Variants in RANBP2 observed in about 807,000 individuals in gnomAD.
RANBP2 encodes RAN binding protein 2, also known as E3 SUMO-protein ligase RanBP2.
In RANBP2, 57 loss-of-function variants were observed where a neutral mutation model predicts 303.6. That is an observed-to-expected ratio of 0.19 (90% confidence interval 0.15 to 0.23). The LOEUF is 0.23. Ranked by LOEUF, RANBP2 falls within the 10% of genes least tolerant of loss-of-function variation. The pLI, the probability that RANBP2 is intolerant of heterozygous loss-of-function variation, is 1.00. For synonymous variants in RANBP2, 1,167 were observed against 1,301.5 expected, an observed-to-expected ratio of 0.90 and a Z score of 2.23; for missense variants, 3,138 against 3,780.8, an observed-to-expected ratio of 0.83 and a Z score of 4.46.
At chr2:109,046,330 A>C in the RANBP2 span, among the ~76,000 whole-genome samples, 1 of 149,588 alleles carries the variant, frequency 6.7e-6, no homozygotes, top group African/African-American at 2.4e-5. Context: ...AAAAAATCTG[A>C]AAGGATTTTG....
the RANBP2 span, among the ~76,000 whole-genome samples, chr2:109,689,407 T>G: frequency 3.9e-5 from 6 of 152,008 alleles, no homozygotes; most frequent in Non-Finnish European, 7.4e-5. Context: ...CTTTGCAGCC[T>G]GAATTCTAAC....
the RANBP2 span, among the ~76,000 whole-genome samples, chr2:109,464,636 A>G: frequency 4.6e-5 from 7 of 152,220 alleles, no homozygotes; most frequent in African/African-American, 1.7e-4. Flanking sequence ...TCATCCTTCC[A>G]AGACTTTTTT....
chr2:108,990,514 C>T, the RANBP2 span, among the ~76,000 whole-genome samples: 4 of 150,672 alleles, frequency 2.7e-5, no homozygotes, highest in African/African-American at 7.3e-5. Flanking sequence ...GAGAATTGTT[C>T]GAACCCAGGA....
At chr2:109,538,101 C>A in the RANBP2 span, among the ~76,000 whole-genome samples, 1 of 152,296 alleles carries the variant, frequency 6.6e-6, no homozygotes, top group Admixed American at 6.5e-5. Context: ...GGTGGACATC[C>A]TTTTCTTTGG....
chr2:109,021,244 T>C, the RANBP2 span, among the ~76,000 whole-genome samples: 4 of 152,042 alleles, frequency 2.6e-5, no homozygotes, highest in South Asian at 2.1e-4. Context: ...GGCAAAGCCA[T>C]CGGGCGCGGT....
At chr2:109,489,847 C>T in the RANBP2 span, among the ~76,000 whole-genome samples, 1 of 152,192 alleles carries the variant, frequency 6.6e-6, no homozygotes, top group Non-Finnish European at 1.5e-5. Flanking sequence ...AAGCTATTCT[C>T]CCACCTCAGG....
In RANBP2 at chr2:108,740,545, C is replaced by T. The variant is rs1186643461; in HGVS notation, c.839C>T (p.Ala280Val). Residue 280 changes from alanine to valine, a missense_variant, in exon 7 of 29, where the codon GCT becomes GTT. Ala to Val is a moderately conservative substitution (Grantham distance 64). This residue lies in a region of RANBP2 where 306 missense variants were observed against 381.9 expected (regional missense o/e 0.80). Transcript: ENST00000283195. ...KSLGGNDELS[A>V]TFLEMKGHFY... ...TTGGGTGGAAATGATGAACTGTCAG[C>T]TACTTTCTTAGAAATGAAAGGACAT... is the stretch of plus-strand genomic sequence containing the variant. 1 of 1,597,400 alleles carries T rather than the reference C, an allele frequency of 6.3e-7. No homozygotes were observed. The highest frequency in any genetic ancestry group is 8.5e-7 in the Non-Finnish European group (1 of 1,179,788).
the RANBP2 span, among the ~76,000 whole-genome samples, chr2:108,827,671 C>T: frequency 6.6e-6 from 1 of 151,966 alleles, no homozygotes; most frequent in East Asian, 1.9e-4. Flanking sequence ...AAAAAATTAG[C>T]CAGGCGTGGT....
At chr2:109,238,071 T>G in the RANBP2 span, among the ~76,000 whole-genome samples, 1 of 152,184 alleles carries the variant, frequency 6.6e-6, no homozygotes, top group African/African-American at 2.4e-5. Context: ...CCAAGCATGG[T>G]GGCATCTGCC....
chr2:108,962,251 A>C, the RANBP2 span, among the ~76,000 whole-genome samples: 1 of 152,216 alleles, frequency 6.6e-6, no homozygotes, highest in African/African-American at 2.4e-5. Context: ...CATGTGAACC[A>C]ACGTTCATTC....
chr2:109,723,145 CT>C, the RANBP2 span, among the ~76,000 whole-genome samples: 2 of 151,920 alleles, frequency 1.3e-5, no homozygotes, highest in Non-Finnish European at 1.5e-5. Context: ...TATTGGCATT[CT>C]TTTTTTTCTT....
the RANBP2 span, chr2:109,130,174 G>A: frequency 1.6e-6 from 2 of 1,243,338 alleles, no homozygotes; most frequent in East Asian, 3.2e-5. Flanking sequence ...TGGGTGCTTG[G>A]GCGTGGGGGG....
the RANBP2 span, among the ~76,000 whole-genome samples, chr2:108,809,381 G>A: frequency 2.0e-5 from 3 of 151,466 alleles, no homozygotes; most frequent in East Asian, 3.9e-4. Context: ...TAAACATTAT[G>A]TTGAATCTGT....
At chr2:109,698,545 A>C in the RANBP2 span, among the ~76,000 whole-genome samples, 2 of 152,028 alleles carry the variant, frequency 1.3e-5, no homozygotes, top group Non-Finnish European at 2.9e-5. Flanking sequence ...ATAGCTCCTG[A>C]ATATATTTAT....
At chr2:109,169,221 G>C in the RANBP2 span, among the ~76,000 whole-genome samples, 1 of 152,244 alleles carries the variant, frequency 6.6e-6, no homozygotes, top group East Asian at 1.9e-4. Context: ...GGGACAAACA[G>C]TGCTGGTTTG....
the RANBP2 span, among the ~76,000 whole-genome samples, chr2:109,078,197 C>CGT: frequency 0.11 from 3,413 of 32,410 alleles, 586 homozygotes; most frequent in Non-Finnish European, 0.14. Context: ...ATATATATAG[C>CGT]GTATATATAT....
intron 17 of RANBP2, among the ~76,000 whole-genome samples, chr2:108,758,102 G>A (rs1444275300): frequency 3.9e-5 from 6 of 152,002 alleles, no homozygotes; most frequent in African/African-American, 1.5e-4. Flanking sequence ...TTCAAGACTA[G>A]CCTGGCAAAC....
At chr2:109,331,796 A>G in the RANBP2 span, among the ~76,000 whole-genome samples, 9 of 152,216 alleles carry the variant, frequency 5.9e-5, no homozygotes, top group Non-Finnish European at 1.3e-4. Flanking sequence ...TAATATTAAG[A>G]TGATTTTTTA....
chr2:109,659,447 A>G, the RANBP2 span, among the ~76,000 whole-genome samples: 2 of 152,104 alleles, frequency 1.3e-5, no homozygotes, highest in African/African-American at 4.8e-5. Flanking sequence ...GCTCCTTTCC[A>G]TCTCAATTGG....
Sources: gnomAD v4.1 joint callset for allele counts (sites outside exome capture counted in the v4.1 genomes callset) on GRCh38, gnomAD v4.1.1 for gene constraint, gnomAD v4.1.1 regional missense constraint, MANE v1.5 for transcripts, NCBI Gene and HGNC (gene_info 2026-07-23, HGNC 2026-07-21) for gene names.